The following ZFYVE28 variants were observed in gnomAD, a reference collection of about 807,000 sequenced individuals.
The protein encoded by ZFYVE28 is lateral signaling target protein 2 homolog.
In ZFYVE28, 40 loss-of-function variants were observed where a neutral mutation model predicts 82.1. That is an observed-to-expected ratio of 0.49 (90% confidence interval 0.38 to 0.63). The LOEUF (loss-of-function observed/expected upper bound fraction) is 0.63. Among genes scored for constraint, ZFYVE28 ranks in the 30% least tolerant of loss-of-function variants. The pLI is 0.00. For missense variants in ZFYVE28, 1,321 were observed against 1,242.1 expected (o/e 1.06, Z -0.96); for synonymous variants, 612 against 546.1 (o/e 1.12, Z -1.68).
chr4:2,271,400 C>G lies in ZFYVE28; in HGVS notation c.2443G>C (p.Val815Leu). 1 of 1,612,838 alleles carries G rather than the reference C, an allele frequency of 6.2e-7. No individual in the cohort carries two copies. Among genetic ancestry groups the G allele is most frequent in the East Asian group, 2.2e-5 (1 of 44,876 alleles). The change falls in exon 12 of 13, where the codon GTG becomes CTG. Residue 815 changes from valine (V) to leucine (L), a missense_variant. Val to Leu is a conservative substitution (Grantham distance 32). Coordinates refer to ENST00000290974, the MANE Select transcript of ZFYVE28 (RefSeq NM_020972.3). ...DGDFEDPPEW[V>L]PDEACGFCTA... ...CAGAAGCCACAGGCCTCGTCTGGCA[C>G]CCACTCCGGGGGGTCTGTCACAACA... is the stretch of plus-strand genomic sequence containing the variant.
At chr4:2,313,832 G>C (rs1165692698) in intron 7 of ZFYVE28, among the ~76,000 whole-genome samples, 1 of 145,098 alleles carries the variant, frequency 6.9e-6, no homozygotes, top group Non-Finnish European at 1.5e-5. Context: ...CTGGGCGACA[G>C]AGTGAGACTC....
chr4:2,391,887 C>G lies in ZFYVE28; in HGVS notation c.39+26398G>C, dbSNP rs548453927. Among the ~76,000 whole-genome samples, 17 of 152,008 alleles carry G rather than the reference C, an allele frequency of 1.1e-4. 1 individual carries two copies. The highest frequency in any genetic ancestry group is 3.4e-4 in the African/African-American group (14 of 41,480). The stretch of plus-strand genomic sequence containing the variant: ...AGTAGCTGGGATTACAGGTGCCCAC[C>G]ACCACGCCCAGCTAATTTTTGTATT... On this transcript the variant is annotated intron_variant, in intron 1 of 12. Transcript: ENST00000290974.
chr4:2,306,525 C>T (rs1206801611), intron 7 of ZFYVE28, among the ~76,000 whole-genome samples: 1 of 152,208 alleles, frequency 6.6e-6, no homozygotes, highest in African/African-American at 2.4e-5. Context: ...TCAGTCTACA[C>T]TCTCTTGTGG....
At chr4:2,333,171 C>G (rs1720991113) in intron 6 of ZFYVE28, among the ~76,000 whole-genome samples, 1 of 150,822 alleles carries the variant, frequency 6.6e-6, no homozygotes, top group South Asian at 2.1e-4. Context: ...CCCAACCTCC[C>G]TCCCTTGGCC....
chr4:2,391,844 C>T (rs1159447320), intron 1 of ZFYVE28, among the ~76,000 whole-genome samples: 2 of 151,192 alleles, frequency 1.3e-5, no homozygotes, highest in Non-Finnish European at 3.0e-5. Context: ...CAAGCGATTC[C>T]CCTGCCTCAG....
intron 7 of ZFYVE28, among the ~76,000 whole-genome samples, chr4:2,308,635 A>AAGAAAG (rs1266921061): frequency 8.5e-6 from 1 of 118,018 alleles, no homozygotes; most frequent in Non-Finnish European, 1.8e-5. Context: ...GACAGAAAGA[A>AAGAAAG]AGAAAGAAAG....
Position 2,330,471 on chromosome 4 carries a change from A to C in ZFYVE28, c.701+5234T>G, listed in dbSNP as rs115401435. ...CACGGAGGAGGGAACATCATAAAGG[A>C]GGGGACAGCATGGAGGAGGGGACAG... is the stretch of plus-strand genomic sequence containing the variant. On this transcript the variant is annotated intron_variant, in intron 6 of 12. Transcript: ENST00000290974. 2,639 of 1,079,590 alleles carry C rather than the reference A, an allele frequency of 2.4e-3. 54 individuals are homozygous for C. In the African/African-American group the frequency reaches 0.04, roughly 16 times the overall value. 66.9% of individuals were successfully genotyped at this position (1,079,590 alleles called of 1,614,324 possible). A position where few individuals can be genotyped will look rare whatever the true frequency, so the allele number is the denominator to read the frequency against.
At chr4:2,286,743 C>A (rs1712804414) in intron 8 of ZFYVE28, 1 of 152,226 alleles carries the variant, frequency 6.6e-6, no homozygotes, top group Non-Finnish European at 1.5e-5. Flanking sequence ...ACTCTCCAGC[C>A]CCTGCTCTCT....
chr4:2,338,022 G>C (rs2108858896), intron 4 of ZFYVE28, among the ~76,000 whole-genome samples: 1 of 152,334 alleles, frequency 6.6e-6, no homozygotes, highest in Non-Finnish European at 1.5e-5. Context: ...GCTCACCCTG[G>C]AGCCTGACCA....
intron 1 of ZFYVE28, among the ~76,000 whole-genome samples, chr4:2,389,425 G>A (rs914452518): frequency 6.6e-6 from 1 of 152,186 alleles, no homozygotes; most frequent in Non-Finnish European, 1.5e-5. Flanking sequence ...CTGGGCCTCA[G>A]TGTCCACCAC....
chr4:2,365,866 C>T (rs896241350), intron 1 of ZFYVE28, among the ~76,000 whole-genome samples: 6 of 152,218 alleles, frequency 3.9e-5, no homozygotes, highest in African/African-American at 9.6e-5. Flanking sequence ...TGTTTGTTTT[C>T]CAGGCCCTGA....
chr4:2,407,866 G>A (rs889141028), intron 1 of ZFYVE28, among the ~76,000 whole-genome samples: 4 of 152,190 alleles, frequency 2.6e-5, no homozygotes, highest in South Asian at 4.1e-4. Flanking sequence ...GATTACAGGC[G>A]TGAGCCACTG....
chr4:2,305,092 G>C lies in ZFYVE28; in HGVS notation c.1248C>G (p.Pro416=), dbSNP rs201737942. Residue 416 remains proline, a synonymous_variant, in exon 8 of 13, where the codon CCC becomes CCG. Coordinates refer to ENST00000290974, the MANE Select transcript of ZFYVE28 (RefSeq NM_020972.3). The stretch of plus-strand genomic sequence containing the variant: ...ACCCAAATGGGCCAGCTGGGGACTC[G>C]GGCCTGGCCAGGGCTTCTGCCGTCC... The part of the protein sequence containing the change: ...VEGTAEALAR[P]ESPAGPFGWA... The C allele has an allele frequency of 7.1e-5, 114 of 1,605,320 alleles. No homozygotes were observed. Among genetic ancestry groups the C allele is most frequent in the Middle Eastern group, 1.7e-4 (1 of 6,052 alleles).
chr4:2,368,156 G>T (rs3128817), intron 1 of ZFYVE28, among the ~76,000 whole-genome samples: 98,030 of 146,992 alleles, frequency 0.67, 33,088 homozygotes, highest in East Asian at 0.8. Flanking sequence ...GGTGGGAGGA[G>T]CACTTGAGGC....
chr4:2,305,054 G>GAC lies in ZFYVE28; in HGVS notation c.1285_1286insGT (p.Thr429SerfsTer31). On this transcript the variant is annotated frameshift_variant, in exon 8 of 13. Transcript: ENST00000290974. LOFTEE classifies it high-confidence loss of function. ...CCCTTTCTCCTGGGGGTCGGCCCAG[G>GAC]TACTGCCTGCCCACCCAAATGGGCC... The GAC allele has an allele frequency of 1.2e-6, 2 of 1,611,822 alleles. No individual in the cohort carries two copies. The highest frequency in any genetic ancestry group is 1.7e-6 in the Non-Finnish European group (2 of 1,179,312).
chr4:2,399,978 C>T (rs1444242611), intron 1 of ZFYVE28, among the ~76,000 whole-genome samples: 1 of 152,202 alleles, frequency 6.6e-6, no homozygotes, highest in Non-Finnish European at 1.5e-5. Flanking sequence ...CAGGGGAGCC[C>T]GAGGAAGTGC....
chr4:2,290,421 A>C (rs1713445153), intron 8 of ZFYVE28, among the ~76,000 whole-genome samples: 1 of 152,184 alleles, frequency 6.6e-6, no homozygotes, highest in Non-Finnish European at 1.5e-5. Context: ...CCACTTTGCC[A>C]GTCGTCATGG....
At chr4:2,405,108 G>A (rs929121847) in intron 1 of ZFYVE28, among the ~76,000 whole-genome samples, 10 of 152,100 alleles carry the variant, frequency 6.6e-5, no homozygotes, top group South Asian at 2.1e-4. Flanking sequence ...TCCACAAGCC[G>A]AATTTGTCCC....
rs1247017044 is a variant in ZFYVE28 at position 2,269,649 on chromosome 4, AATAAAT to A, written c.*1070_*1075del. Reference sequence around the variant, plus strand: ...TGGCTTCAAATTACAGCATTTAGAAAATAAATATAATCTCAATACATAATATTTCCT... The same window carrying A: ...TGGCTTCAAATTACAGCATTTAGAAAATAATCTCAATACATAATATTTCCT... On this transcript the variant is annotated 3_prime_UTR_variant, in exon 13 of 13. Coordinates refer to ENST00000290974, the MANE Select transcript of ZFYVE28 (RefSeq NM_020972.3). 3 of 152,244 alleles carry A rather than the reference AATAAAT, an allele frequency of 2.0e-5. No homozygotes were observed. Among genetic ancestry groups the A allele is most frequent in the African/African-American group, 4.8e-5 (2 of 41,466 alleles). 9.4% of individuals were successfully genotyped at this position (152,244 alleles called of 1,614,324 possible). A position where few individuals can be genotyped will look rare whatever the true frequency, so the allele number is the denominator to read the frequency against.
Sources: gnomAD v4.1 joint callset for allele counts (sites outside exome capture counted in the v4.1 genomes callset) on GRCh38, gnomAD v4.1.1 for gene constraint, MANE v1.5 for transcripts, NCBI Gene and HGNC (gene_info 2026-07-23, HGNC 2026-07-21) for gene names.